Variants in MRAP2 observed in about 807,000 individuals in gnomAD.
MRAP2 encodes the protein melanocortin 2 receptor accessory protein 2.
A neutral mutation model predicts 17.4 loss-of-function variants in MRAP2; 20 were observed. The observed-to-expected ratio is 1.15, with a 90% CI of 0.81 to 1.67. The LOEUF (loss-of-function observed/expected upper bound fraction) is 1.67, where lower values mean the gene tolerates loss of function less well. Among genes scored for constraint, MRAP2 ranks in the 40% most tolerant of loss-of-function variants. The pLI is 0.00. For synonymous variants in MRAP2, 96 were observed against 88.4 expected (o/e 1.09, Z -0.48); for missense variants, 238 against 240.0 (o/e 0.99, Z 0.05).
intron 3 of MRAP2, among the ~76,000 whole-genome samples, chr6:84,077,101 A>G (rs183272262): frequency 5.3e-4 from 80 of 152,346 alleles, no homozygotes; most frequent in Non-Finnish European, 9.1e-4. Context: ...AGATGAATCC[A>G]ATTACAGCAC....
At chr6:84,103,144 T>C in the MRAP2 span, among the ~76,000 whole-genome samples, 2 of 152,170 alleles carry the variant, frequency 1.3e-5, no homozygotes. Context: ...CAGCTGAGTT[T>C]AATGAGGACA....
chr6:84,075,834 TA>T (rs1379489221), intron 3 of MRAP2, among the ~76,000 whole-genome samples: 1 of 152,132 alleles, frequency 6.6e-6, no homozygotes, highest in African/African-American at 2.4e-5. Flanking sequence ...TTTACCTGAA[TA>T]TGGCACTCAT....
At chr6:84,108,075 C>T in the MRAP2 span, among the ~76,000 whole-genome samples, 4 of 152,202 alleles carry the variant, frequency 2.6e-5, no homozygotes, top group African/African-American at 9.6e-5. Flanking sequence ...ATTATTATGC[C>T]CTTTCCCCAC....
intron 3 of MRAP2, among the ~76,000 whole-genome samples, chr6:84,075,124 C>T (rs563293307): frequency 6.6e-6 from 1 of 152,170 alleles, no homozygotes; most frequent in Non-Finnish European, 1.5e-5. Flanking sequence ...CCCCACCACG[C>T]GGCCTCCTAG....
At position 84,089,523 on chromosome 6, in the gene MRAP2, T is replaced by C; in HGVS notation, c.*42T>C. ...AGGGTCTTCCTGAAGATGTGGATTC[T>C]ATCTTTATGTAGCAAGAAATCTACA... is the stretch of plus-strand genomic sequence containing the variant. On this transcript the variant is annotated 3_prime_UTR_variant, in exon 4 of 4. Transcript: ENST00000257776. 1 of 1,560,878 alleles carries C rather than the reference T, an allele frequency of 6.4e-7. No individual in the cohort carries two copies. Among genetic ancestry groups the C allele is most frequent in the Non-Finnish European group, 8.7e-7 (1 of 1,153,250 alleles).
the MRAP2 span, among the ~76,000 whole-genome samples, chr6:84,099,052 C>CT: frequency 5.4e-5 from 8 of 149,532 alleles, no homozygotes; most frequent in African/African-American, 9.8e-5. Context: ...TAATCCTATG[C>CT]TTTTTTTTTC....
chr6:84,129,844 CTTTAT>C, the MRAP2 span, among the ~76,000 whole-genome samples: 1 of 152,132 alleles, frequency 6.6e-6, no homozygotes, highest in Non-Finnish European at 1.5e-5. Flanking sequence ...TGTGACTACC[CTTTAT>C]TTCTTTTTCT....
At chr6:84,117,684 T>G in the MRAP2 span, among the ~76,000 whole-genome samples, 1 of 150,618 alleles carries the variant, frequency 6.6e-6, no homozygotes, top group Non-Finnish European at 1.5e-5. Flanking sequence ...TGTGTGTGTG[T>G]GGTTGTTGTT....
At chr6:84,072,125 A>AT (rs1285969511) in intron 3 of MRAP2, among the ~76,000 whole-genome samples, 11 of 152,086 alleles carry the variant, frequency 7.2e-5, no homozygotes. Flanking sequence ...AACTAGTATG[A>AT]TTTTTAGGGG....
At chr6:84,039,079 G>A (rs1296741402) in intron 1 of MRAP2, among the ~76,000 whole-genome samples, 1 of 152,166 alleles carries the variant, frequency 6.6e-6, no homozygotes, top group African/African-American at 2.4e-5. Context: ...GAAAGAAAAT[G>A]TTTACTTCCC....
chr6:84,129,174 T>C, the MRAP2 span, among the ~76,000 whole-genome samples: 1 of 152,160 alleles, frequency 6.6e-6, no homozygotes, highest in Non-Finnish European at 1.5e-5. Flanking sequence ...GTCTTAATAG[T>C]AGAATGATTT....
At chr6:84,125,886 C>A in the MRAP2 span, among the ~76,000 whole-genome samples, 1 of 152,136 alleles carries the variant, frequency 6.6e-6, no homozygotes, top group African/African-American at 2.4e-5. Flanking sequence ...ACTGTTCAAA[C>A]CAAGTTAAAT....
the MRAP2 span, among the ~76,000 whole-genome samples, chr6:84,108,411 G>A: frequency 6.6e-6 from 1 of 151,498 alleles, no homozygotes; most frequent in African/African-American, 2.4e-5. Flanking sequence ...GTTTTGATAT[G>A]CATTTCTCTA....
At chr6:84,123,489 C>G in the MRAP2 span, among the ~76,000 whole-genome samples, 1 of 152,004 alleles carries the variant, frequency 6.6e-6, no homozygotes, top group East Asian at 1.9e-4. Context: ...GGACACCCTA[C>G]TCAATAAATG....
chr6:84,134,919 TACACACACACACAC>T, the MRAP2 span, among the ~76,000 whole-genome samples: 7 of 148,372 alleles, frequency 4.7e-5, no homozygotes, highest in South Asian at 2.1e-4. Context: ...AGATCATATA[TACACACACACACAC>T]ACACACACAC....
chr6:84,142,624 G>T, the MRAP2 span, among the ~76,000 whole-genome samples: 3 of 152,082 alleles, frequency 2.0e-5, no homozygotes, highest in African/African-American at 4.8e-5. Context: ...TAACATTACT[G>T]ATTTAATAAA....
At chr6:84,118,459 C>T in the MRAP2 span, among the ~76,000 whole-genome samples, 9 of 152,154 alleles carry the variant, frequency 5.9e-5, no homozygotes, top group Admixed American at 5.2e-4. Flanking sequence ...TGGCTGGAGG[C>T]CCTGGCTGGG....
At chr6:84,113,626 TA>T in the MRAP2 span, among the ~76,000 whole-genome samples, 13,077 of 152,170 alleles carry the variant, frequency 0.086, 1,424 homozygotes, top group African/African-American at 0.26. Flanking sequence ...ATCCTGTCAT[TA>T]TGATCCTAGC....
chr6:84,055,627 A>G (rs1422579327), intron 2 of MRAP2, among the ~76,000 whole-genome samples, 182 bp downstream of exon 2: 1 of 152,154 alleles, frequency 6.6e-6, no homozygotes, highest in Non-Finnish European at 1.5e-5. Context: ...ATGGTACAGG[A>G]GGGCCTTGGT....
Sources: allele counts gnomAD v4.1 joint callset (sites outside exome capture counted in the v4.1 genomes callset), GRCh38; gene constraint gnomAD v4.1.1; transcripts MANE v1.5; gene names NCBI Gene and HGNC (gene_info 2026-07-23, HGNC 2026-07-21).